The following YLPM1 variants were observed in gnomAD, a reference collection of about 807,000 sequenced individuals.
YLPM1 encodes YLP motif-containing protein 1.
In YLPM1, 99 loss-of-function variants were observed where a neutral mutation model predicts 230.0. The ratio of observed to expected loss-of-function variants is 0.43; its 90% CI spans 0.37 to 0.51. The LOEUF (loss-of-function observed/expected upper bound fraction) is 0.51. YLPM1 is among the 20% of genes least tolerant of loss of function. The pLI is 0.00. For missense variants in YLPM1, 2,592 were observed against 2,707.7 expected (o/e 0.96, Z 0.95); for synonymous variants, 984 against 942.5 (o/e 1.04, Z -0.81).
At chr14:74,769,259 C>CTTTTTTTTTTTTTTTTTTT (rs34023289) in intron 1 of YLPM1, among the ~76,000 whole-genome samples, 1 of 38,400 alleles carries the variant, frequency 2.6e-5, no homozygotes, top group Non-Finnish European at 5.3e-5. Context: ...GTATTTTTAT[C>CTTTTTTTTTTTTTTTTTTT]TTTTTTTTTT....
In YLPM1 at chr14:74,763,898, G is replaced by C; in HGVS notation, c.409G>C (p.Gly137Arg). 6.4e-7 allele frequency: 1 copy of C among 1,561,044 alleles called. No individual in the cohort carries two copies. The highest frequency in any genetic ancestry group is 8.7e-7 in the Non-Finnish European group (1 of 1,154,312). Residue 137 changes from glycine to arginine, a missense_variant, in exon 1 of 21, where the codon GGT becomes CGT. This residue lies in a region of YLPM1 where 1,862 missense variants were observed against 1,819.8 expected (regional missense o/e 1.02). Coordinates refer to ENST00000325680, the MANE Select transcript of YLPM1 (RefSeq NM_019589.3). ...MLHHQRDGPPGLVPMELESPP... is the reference protein window; with the variant it reads ...MLHHQRDGPPRLVPMELESPP... The stretch of plus-strand genomic sequence containing the variant: ...CCACCACCAACGAGACGGGCCTCCT[G>C]GTTTGGTTCCAATGGAGCTGGAATC...
intron 4 of YLPM1, among the ~76,000 whole-genome samples, chr14:74,790,627 A>G (rs1176524355): frequency 6.6e-6 from 1 of 152,164 alleles, no homozygotes; most frequent in Non-Finnish European, 1.5e-5. Flanking sequence ...TAACTATACA[A>G]ATAAACACTT....
At chr14:74,829,649 T>C (rs1244288713) in intron 19 of YLPM1, among the ~76,000 whole-genome samples, 1 of 152,106 alleles carries the variant, frequency 6.6e-6, no homozygotes, top group African/African-American at 2.4e-5. Context: ...GAGTAGGGTA[T>C]TGAAGAGAAC....
Position 74,781,383 on chromosome 14 carries a change from A to T in YLPM1, c.1340A>T (p.Gln447Leu), listed in dbSNP as rs1278469405. 4 of 1,589,238 alleles carry T rather than the reference A, an allele frequency of 2.5e-6. No individual in the cohort carries two copies. The highest frequency in any genetic ancestry group is 3.4e-6 in the Non-Finnish European group (4 of 1,166,824). ...QLRHYEMQQQ[Q>L]FQHLYQEWER... The stretch of plus-strand genomic sequence containing the variant: ...CGGCATTATGAGATGCAGCAGCAAC[A>T]GTTTCAACATCTTTACCAAGAATGG... The change falls in exon 4 of 21, where the codon CAG (glutamine) becomes CTG (leucine). Residue 447 changes from glutamine to leucine, a missense_variant. Physicochemically the swap from Gln to Leu is moderately radical, Grantham distance 113 (BLOSUM62 -2). Transcript: ENST00000325680.
chr14:74,778,011 G>A (rs1329719867), intron 1 of YLPM1, among the ~76,000 whole-genome samples: 1 of 151,800 alleles, frequency 6.6e-6, no homozygotes, highest in Non-Finnish European at 1.5e-5. Flanking sequence ...GAGTGCTTGA[G>A]GAGAAAGAGA....
At chr14:74,772,022 A>G (rs1004387328) in intron 1 of YLPM1, among the ~76,000 whole-genome samples, 1 of 152,176 alleles carries the variant, frequency 6.6e-6, no homozygotes, top group South Asian at 2.1e-4. Context: ...AATATAAGAC[A>G]TAGAACATTG....
rs777730675 is a variant in YLPM1 at position 74,765,178 on chromosome 14, A to T, written c.873+816A>T. On this transcript the variant is annotated intron_variant, in intron 1 of 20. Coordinates refer to ENST00000325680, the MANE Select transcript of YLPM1 (RefSeq NM_019589.3). ...GCAGAACAGACAAATTGACAGGGTA[A>T]CAGTAATAAACGAGTTCCCCCTTGA... 7.1e-4 allele frequency among the ~76,000 whole-genome samples: 108 copies of T among 152,246 alleles called. 2 individuals carry two copies. Among genetic ancestry groups the T allele is most frequent in the Non-Finnish European group, 2.8e-4 (19 of 68,040 alleles).
intron 9 of YLPM1, 29 bp downstream of exon 9, chr14:74,810,449 GT>G (rs1566759484): frequency 1.2e-6 from 2 of 1,604,466 alleles, no homozygotes; most frequent in East Asian, 2.2e-5. Context: ...TTTGCTAGGT[GT>G]ACAAATTACT....
chr14:74,802,478 TAA>T, intron 5 of YLPM1, 76 bp from the exon 6 acceptor site: 1 of 1,480,010 alleles, frequency 6.8e-7, no homozygotes, highest in Non-Finnish European at 9.0e-7. Context: ...CTCCTTTTTT[TAA>T]TTAAATATTA....
chr14:74,802,769 A>T, intron 6 of YLPM1, 93 bp downstream of exon 6: 1 of 1,409,886 alleles, frequency 7.1e-7, no homozygotes, highest in South Asian at 1.6e-5. Flanking sequence ...ATAAATAACA[A>T]ATTTCCTCTA....
chr14:74,775,964 C>G (rs755667016), intron 1 of YLPM1, among the ~76,000 whole-genome samples: 1 of 152,300 alleles, frequency 6.6e-6, no homozygotes, highest in Non-Finnish European at 1.5e-5. Context: ...TCTTGAAATA[C>G]TACATCCATA....
In YLPM1 at chr14:74,780,398, T is replaced by C. The variant is rs753868134; in HGVS notation, c.1111-7T>C. Reference sequence around the variant, plus strand: ...TTACATAAAGATGTGTCCTCTTTTATCTTTAGTCTGAGGACCCAGAAGAAG... The same window carrying C: ...TTACATAAAGATGTGTCCTCTTTTACCTTTAGTCTGAGGACCCAGAAGAAG... On this transcript the variant is annotated splice_region_variant and splice_polypyrimidine_tract_variant and intron_variant, in intron 2 of 20. Coordinates refer to ENST00000325680, the MANE Select transcript of YLPM1 (RefSeq NM_019589.3). 2 of 1,607,116 alleles carry C rather than the reference T, an allele frequency of 1.2e-6. No individual in the cohort carries two copies.
chr14:74,764,148 A>G lies in YLPM1; in HGVS notation c.659A>G (p.His220Arg), dbSNP rs1352322924. The change falls in exon 1 of 21, where the codon CAT becomes CGT. Residue 220 changes from histidine to arginine, a missense_variant. By Grantham distance (29) the His-to-Arg change is conservative. Coordinates refer to ENST00000325680, the MANE Select transcript of YLPM1 (RefSeq NM_019589.3). ...TCTTCCTCGCAATCCTATTTGAGCC[A>G]TTCCCAGTCCTACTTGCCCTCTTCT... ...SSSSSQSYLS[H>R]SQSYLPSSQA... 35 of 1,612,764 alleles carry G rather than the reference A, an allele frequency of 2.2e-5. No individual in the cohort carries two copies. The highest frequency in any genetic ancestry group is 2.7e-5 in the Non-Finnish European group (32 of 1,179,632).
chr14:74,799,232 A>G lies in YLPM1; in HGVS notation c.3935A>G (p.Tyr1312Cys). The change falls in exon 5 of 21, where the codon TAT becomes TGT. Residue 1312 changes from tyrosine to cysteine, a missense_variant. Physicochemically the swap from Tyr to Cys is radical, Grantham distance 194. Around this residue, in one of 4 missense-constraint regions of YLPM1, gnomAD observed 1,862 missense variants for 1,819.8 expected, o/e 1.02. Transcript: ENST00000325680. ...TTGGATAATGAGTGGGACAGAGATTATGGGAGACCACTGGATGAACAAGAA... is the reference window on the plus strand; with the variant it reads ...TTGGATAATGAGTGGGACAGAGATTGTGGGAGACCACTGGATGAACAAGAA... ...RSLDNEWDRD[Y>C]GRPLDEQESQ... 3 of 1,614,026 alleles carry G rather than the reference A, an allele frequency of 1.9e-6. No homozygotes were observed. The highest frequency in any genetic ancestry group is 2.5e-6 in the Non-Finnish European group (3 of 1,179,888).
intron 11 of YLPM1, among the ~76,000 whole-genome samples, chr14:74,813,551 T>C (rs1321175616): frequency 6.6e-6 from 1 of 152,232 alleles, no homozygotes; most frequent in East Asian, 1.9e-4. Flanking sequence ...ATCGTGTTTT[T>C]TAATGCAGTC....
At chr14:74,792,696 A>G (rs2287405) in intron 4 of YLPM1, among the ~76,000 whole-genome samples, 22,207 of 152,166 alleles carry the variant, frequency 0.15, 1,763 homozygotes, top group South Asian at 0.29. Context: ...TAGATATTAC[A>G]TATTTATTTA....
intron 16 of YLPM1, among the ~76,000 whole-genome samples, chr14:74,818,534 G>C (rs573907080): frequency 6.6e-6 from 1 of 152,070 alleles, no homozygotes; most frequent in Non-Finnish European, 1.5e-5. Flanking sequence ...CACTGTTTTT[G>C]TGGAACCATT....
chr14:74,818,427 C>A, intron 16 of YLPM1, 113 bp downstream of exon 16: 1 of 746,276 alleles, frequency 1.3e-6, no homozygotes, highest in Non-Finnish European at 2.0e-6. Flanking sequence ...CATACAAGAA[C>A]ACCTACTGAT....
intron 1 of YLPM1, among the ~76,000 whole-genome samples, chr14:74,771,239 C>T (rs1402721827): frequency 2.6e-5 from 4 of 152,128 alleles, no homozygotes; most frequent in African/African-American, 9.7e-5. Context: ...TTAGATATAG[C>T]TCTGGAGTCT....
Sources: allele counts gnomAD v4.1 joint callset (sites outside exome capture counted in the v4.1 genomes callset), GRCh38; gene constraint gnomAD v4.1.1; regional missense constraint gnomAD v4.1.1; transcripts MANE v1.5; gene names NCBI Gene and HGNC (gene_info 2026-07-23, HGNC 2026-07-21).